Variants in USH1G observed in about 807,000 individuals in gnomAD.
The protein encoded by USH1G is pre-mRNA splicing regulator USH1G.
In USH1G, 27 loss-of-function variants were observed where a neutral mutation model predicts 31.9. The observed-to-expected ratio is 0.85, with a 90% CI of 0.62 to 1.17. The LOEUF is 1.17. Among genes scored for constraint, USH1G ranks in the 50% most tolerant of loss-of-function variants. The pLI, the probability that USH1G is intolerant of heterozygous loss-of-function variation, is 0.00. For missense variants in USH1G, 674 were observed against 638.9 expected, an observed-to-expected ratio of 1.05 and a Z score of -0.59; for synonymous variants, 266 against 283.2, an observed-to-expected ratio of 0.94 and a Z score of 0.61.
Position 74,921,600 on chromosome 17 carries a change from C to T in USH1G, c.165-929G>A, listed in dbSNP as rs1330735047. Among the ~76,000 whole-genome samples the T allele has an allele frequency of 6.6e-6, 1 of 152,154 alleles. No homozygotes were observed. Among genetic ancestry groups the T allele is most frequent in the Admixed American group, 6.5e-5 (1 of 15,278 alleles). ...TCACTCCCTTGTCTCAACAGCTCCC[C>T]ACACACCCCTTCCTGGGCCTCCCCT... On this transcript the variant is annotated intron_variant, in intron 1 of 2. Coordinates refer to ENST00000614341, the MANE Select transcript of USH1G (RefSeq NM_173477.5). The surrounding 1 kb of genome is among the most constrained non-coding windows in gnomAD (Gnocchi z 4.6).
At position 74,920,025 on chromosome 17, in the gene USH1G, G is replaced by C. The variant is rs1388810750; in HGVS notation, c.811C>G (p.Pro271Ala). The C allele has an allele frequency of 6.2e-7, 1 of 1,611,600 alleles. No homozygotes were observed. The highest frequency in any genetic ancestry group is 1.7e-5 in the Admixed American group (1 of 60,006). ...TCCGAGAGGAACATGTCCCGGAGCG[G>C]GGCTCGGCCCCACTCCTTGGGATTG... The part of the protein sequence containing the change: ...YANPKEWGRA[P>A]LRDMFLSDED... The change falls in exon 2 of 3, where the codon CCG becomes GCG. Residue 271 changes from proline to alanine, a missense_variant. Physicochemically the swap from Pro to Ala is conservative, Grantham distance 27. Coordinates refer to ENST00000614341, the MANE Select transcript of USH1G (RefSeq NM_173477.5). The surrounding 1 kb of genome is among the most constrained non-coding windows in gnomAD (Gnocchi z 5.2).
Position 74,919,411 on chromosome 17 carries a change from C to T in USH1G, c.1382+43G>A, listed in dbSNP as rs776814552. The T allele has an allele frequency of 6.4e-7, 1 of 1,568,824 alleles. No individual in the cohort carries two copies. Among genetic ancestry groups the T allele is most frequent in the Non-Finnish European group, 8.6e-7 (1 of 1,158,702 alleles). ...CTGTACCCCCTCCCCAGGGGCCTTC[C>T]AACTCCTGCTCCTCCATCCCCCCCG... On this transcript the variant is annotated intron_variant, in intron 2 of 2. Transcript: ENST00000614341. The surrounding 1 kb of genome is among the most constrained non-coding windows in gnomAD (Gnocchi z 4.5).
chr17:74,923,068 G>T lies in USH1G; in HGVS notation c.6C>A (p.Asn2Lys). 7 of 1,582,334 alleles carry T rather than the reference G, an allele frequency of 4.4e-6. No individual in the cohort carries two copies. Among genetic ancestry groups the T allele is most frequent in the Non-Finnish European group, 6.0e-6 (7 of 1,162,686 alleles). ...CCCGGGCTGCCCGGTGGTACTGGTC[G>T]TTCATGGCGCCCGAAGTGGACGGGG... Reference protein sequence around the residue: MNDQYHRAARDG... With the variant: MKDQYHRAARDG... Residue 2 changes from asparagine (N) to lysine (K), a missense_variant, in exon 1 of 3, where the codon AAC becomes AAA. By Grantham distance (94) the Asn-to-Lys change is moderately conservative. Transcript: ENST00000614341. This position sits in a 1 kb window ranked among gnomAD's most constrained non-coding sequence, Gnocchi z 5.3.
rs2038874520 is a variant in USH1G at position 74,916,910 on chromosome 17, T to TGCAC, written c.*1159_*1162dup. Reference sequence around the variant, plus strand: ...ACACATGCACACACACACACATGCATGCACACACACACATGCACACACATG... The same window carrying TGCAC: ...ACACATGCACACACACACACATGCATGCACGCACACACACACATGCACACACATG... On this transcript the variant is annotated 3_prime_UTR_variant, in exon 3 of 3. Coordinates refer to ENST00000614341, the MANE Select transcript of USH1G (RefSeq NM_173477.5). The TGCAC allele has an allele frequency of 6.6e-6, 1 of 152,320 alleles. No individual in the cohort carries two copies. Among genetic ancestry groups the TGCAC allele is most frequent in the Non-Finnish European group, 1.5e-5 (1 of 68,486 alleles). 9.4% of individuals were successfully genotyped at this position (152,320 alleles called of 1,614,324 possible).
intron 1 of USH1G, 31 bp downstream of exon 1, chr17:74,922,879 G>T: frequency 1.3e-6 from 2 of 1,536,466 alleles, no homozygotes; most frequent in East Asian, 2.5e-5. Context: ...GGTCTCAGGG[G>T]CCTCAAGGGC....
At position 74,919,446 on chromosome 17, in the gene USH1G, A is replaced by G; in HGVS notation, c.1382+8T>C. 1 of 1,586,086 alleles carries G rather than the reference A, an allele frequency of 6.3e-7. No homozygotes were observed. The highest frequency in any genetic ancestry group is 8.6e-7 in the Non-Finnish European group (1 of 1,166,286). On this transcript the variant is annotated splice_region_variant and intron_variant, in intron 2 of 2. Transcript: ENST00000614341. The surrounding 1 kb of genome is among the most constrained non-coding windows in gnomAD (Gnocchi z 4.5). ...TCCTCCATCCCCCCCGCCAGGCTGG[A>G]CACTCACAGCTCTGTGTCCTCCAGG...
chr17:74,920,972 T>C lies in USH1G; in HGVS notation c.165-301A>G, dbSNP rs1343743056. Among the ~76,000 whole-genome samples, 1 of 152,054 alleles carries C rather than the reference T, an allele frequency of 6.6e-6. No homozygotes were observed. ...GCTGGGAATCTCAGGGGATGAATAT[T>C]TGATGCCCTGAGAGAAGGGAGTAAA... On this transcript the variant is annotated intron_variant, in intron 1 of 2. Coordinates refer to ENST00000614341, the MANE Select transcript of USH1G (RefSeq NM_173477.5). The surrounding 1 kb of genome is among the most constrained non-coding windows in gnomAD (Gnocchi z 5.2).
At position 74,919,579 on chromosome 17, in the gene USH1G, C is replaced by A. The variant is rs1430225778; in HGVS notation, c.1257G>T (p.Met419Ile). Residue 419 changes from methionine to isoleucine, a missense_variant, in exon 2 of 3, where the codon ATG becomes ATT. Physicochemically the swap from Met to Ile is conservative, Grantham distance 10. Coordinates refer to ENST00000614341, the MANE Select transcript of USH1G (RefSeq NM_173477.5). The surrounding 1 kb of genome is among the most constrained non-coding windows in gnomAD (Gnocchi z 4.5). The part of the protein sequence containing the change: ...RQEKIDLEAL[M>I]LCSDLDLRSI... Reference sequence around the variant, plus strand: ...TGCGGAGGTCGAGGTCAGAGCACAGCATCAAAGCCTCGAGGTCGATCTTCT... The same window carrying A: ...TGCGGAGGTCGAGGTCAGAGCACAGAATCAAAGCCTCGAGGTCGATCTTCT... 6.2e-7 allele frequency: 1 copy of A among 1,612,752 alleles called. No homozygotes were observed. Among genetic ancestry groups the A allele is most frequent in the Non-Finnish European group, 8.5e-7 (1 of 1,180,030 alleles).
Position 74,923,013 on chromosome 17 carries a change from TG to T in USH1G, c.60del (p.Thr21ProfsTer5). The T allele has an allele frequency of 6.3e-7, 1 of 1,576,624 alleles. No individual in the cohort carries two copies. Among genetic ancestry groups the T allele is most frequent in the South Asian group, 1.2e-5 (1 of 86,312 alleles). ...TCGGGGGCATTCAGCTCCTTTCGGG[TG>T]GCCTCCTTGAGGAGCTCCAGGTAGC... is the stretch of plus-strand genomic sequence containing the variant. ...RDGYLELLKE[A>X]TRKELNAPDE... On this transcript the variant is annotated frameshift_variant, in exon 1 of 3. Coordinates refer to ENST00000614341, the MANE Select transcript of USH1G (RefSeq NM_173477.5). LOFTEE classifies it high-confidence loss of function. This position sits in a 1 kb window ranked among gnomAD's most constrained non-coding sequence, Gnocchi z 5.3.
Position 74,917,757 on chromosome 17 carries a change from G to C in USH1G, c.*316C>G, listed in dbSNP as rs2038885384. 1 of 460,426 alleles carries C rather than the reference G, an allele frequency of 2.2e-6. No individual in the cohort carries two copies. The highest frequency in any genetic ancestry group is 3.3e-5 in the Admixed American group (1 of 30,024). 28.5% of individuals were successfully genotyped at this position (460,426 alleles called of 1,614,324 possible). Reference sequence around the variant, plus strand: ...CATCCACCTCCCACACTCTCATCCAGTTCCGATGCCCCTGCCCTCCCTCTG... The same window carrying C: ...CATCCACCTCCCACACTCTCATCCACTTCCGATGCCCCTGCCCTCCCTCTG... On this transcript the variant is annotated 3_prime_UTR_variant, in exon 3 of 3. Coordinates refer to ENST00000614341, the MANE Select transcript of USH1G (RefSeq NM_173477.5).
rs2038896851 is a variant in USH1G, at chr17:74,918,922, G to A, written c.1382+532C>T. On this transcript the variant is annotated intron_variant, in intron 2 of 2. Coordinates refer to ENST00000614341, the MANE Select transcript of USH1G (RefSeq NM_173477.5). This position sits in a 1 kb window ranked among gnomAD's most constrained non-coding sequence, Gnocchi z 4.1. ...TGACCCCAGGCTCTAAAGCCATGCAGACCAGGGATCAAGCCTAGCTCCATG... is the reference window on the plus strand; with the variant it reads ...TGACCCCAGGCTCTAAAGCCATGCAAACCAGGGATCAAGCCTAGCTCCATG... Among the ~76,000 whole-genome samples, 1 of 152,146 alleles carries A rather than the reference G, an allele frequency of 6.6e-6. No homozygotes were observed. Among genetic ancestry groups the A allele is most frequent in the Admixed American group, 6.5e-5 (1 of 15,278 alleles).
rs1434036722 is a variant in USH1G at position 74,923,191 on chromosome 17, C to T, written c.-118G>A. 14 of 900,330 alleles carry T rather than the reference C, an allele frequency of 1.6e-5. No individual in the cohort carries two copies. In the East Asian group the frequency reaches 3.3e-4, roughly 21 times the overall value. 55.8% of individuals were successfully genotyped at this position (900,330 alleles called of 1,614,324 possible). On this transcript the variant is annotated 5_prime_UTR_variant, in exon 1 of 3. Transcript: ENST00000614341. This position sits in a 1 kb window ranked among gnomAD's most constrained non-coding sequence, Gnocchi z 5.3. ...GGACGGGGCCGGGCAGGGGCCGGGG[C>T]CGCCAGCCCCCGCTGCCGCAGACGG...
chr17:74,916,838 G>A lies in USH1G; in HGVS notation c.*1235C>T, dbSNP rs2038872683. ...CAACAGCCCAGTCCCTACCAGACCT[G>A]GAGGGAAACCTACCAAACACCACCC... On this transcript the variant is annotated 3_prime_UTR_variant, in exon 3 of 3. Coordinates refer to ENST00000614341, the MANE Select transcript of USH1G (RefSeq NM_173477.5). The A allele has an allele frequency of 6.6e-6, 1 of 152,560 alleles. No individual in the cohort carries two copies. Among genetic ancestry groups the A allele is most frequent in the African/African-American group, 2.4e-5 (1 of 41,442 alleles). 9.5% of individuals were successfully genotyped at this position (152,560 alleles called of 1,614,324 possible). A position where few individuals can be genotyped will look rare whatever the true frequency, so the allele number is the denominator to read the frequency against.
Position 74,920,778 on chromosome 17 carries a change from A to G in USH1G, c.165-107T>C. 6.7e-7 allele frequency: 1 copy of G among 1,495,068 alleles called. No homozygotes were observed. Among genetic ancestry groups the G allele is most frequent in the Non-Finnish European group, 9.0e-7 (1 of 1,105,960 alleles). The allele number at this position is 1,495,068 out of a possible 1,614,324, so 92.6% of individuals were successfully genotyped here. A position where few individuals can be genotyped will look rare whatever the true frequency, so the allele number is the denominator to read the frequency against. ...CTTCCCCACTGTCACAGCAACCCCCAAAGGGACCGTGGGCCTGAGATCTCT... is the reference window on the plus strand; with the variant it reads ...CTTCCCCACTGTCACAGCAACCCCCGAAGGGACCGTGGGCCTGAGATCTCT... On this transcript the variant is annotated intron_variant, in intron 1 of 2. Coordinates refer to ENST00000614341, the MANE Select transcript of USH1G (RefSeq NM_173477.5). The surrounding 1 kb of genome is among the most constrained non-coding windows in gnomAD (Gnocchi z 5.2).
Position 74,920,314 on chromosome 17 carries a change from G to A in USH1G, c.522C>T (p.Asp174=), listed in dbSNP as rs886043212. ...ACGTGAGGCTGGAGAAGCTGAGGGTGTCGGAACGCTCGGCCAGCTCGCGCC... is the reference window on the plus strand; with the variant it reads ...ACGTGAGGCTGGAGAAGCTGAGGGTATCGGAACGCTCGGCCAGCTCGCGCC... ...RYRRELAERS[D]TLSFSSLTSS... The change falls in exon 2 of 3, where the codon GAC becomes GAT. Residue 174 remains aspartate, a synonymous_variant. Coordinates refer to ENST00000614341, the MANE Select transcript of USH1G (RefSeq NM_173477.5). This position sits in a 1 kb window ranked among gnomAD's most constrained non-coding sequence, Gnocchi z 5.2. 6.2e-7 allele frequency: 1 copy of A among 1,607,750 alleles called. No homozygotes were observed. The highest frequency in any genetic ancestry group is 8.5e-7 in the Non-Finnish European group (1 of 1,178,886).
In USH1G at chr17:74,920,800, C is replaced by G. The variant is rs41282069; in HGVS notation, c.165-129G>C. 61 of 1,373,408 alleles carry G rather than the reference C, an allele frequency of 4.4e-5. 2 individuals are homozygous for G. Among genetic ancestry groups the G allele is most frequent in the South Asian group, 4.1e-4 (30 of 72,978 alleles). The allele number at this position is 1,373,408 out of a possible 1,614,324, so 85.1% of individuals were successfully genotyped here. ...CCCAAAGGGACCGTGGGCCTGAGAT[C>G]TCTCCCACTCCAGGAGACCTGCAGG... On this transcript the variant is annotated intron_variant, in intron 1 of 2. Coordinates refer to ENST00000614341, the MANE Select transcript of USH1G (RefSeq NM_173477.5). The surrounding 1 kb of genome is among the most constrained non-coding windows in gnomAD (Gnocchi z 5.2).
At position 74,920,570 on chromosome 17, in the gene USH1G, G is replaced by T. The variant is rs774827536; in HGVS notation, c.266C>A (p.Ala89Asp). ...GTCGTTGTCTAGGCACCAGATGTTG[G>T]CTCCGAAGGACACCAGGAAGGACAG... The part of the protein sequence containing the change: ...HCLSFLVSFG[A>D]NIWCLDNDYH... Residue 89 changes from alanine (A) to aspartate (D), a missense_variant, in exon 2 of 3, where the codon GCC becomes GAC. Transcript: ENST00000614341. This position sits in a 1 kb window ranked among gnomAD's most constrained non-coding sequence, Gnocchi z 5.2. 4.3e-6 allele frequency: 7 copies of T among 1,613,822 alleles called. No individual in the cohort carries two copies. In the South Asian group the frequency reaches 7.7e-5, roughly 18 times the overall value.
chr17:74,919,418 T>A lies in USH1G; in HGVS notation c.1382+36A>T. ...CCCTCCCCAGGGGCCTTCCAACTCC[T>A]GCTCCTCCATCCCCCCCGCCAGGCT... On this transcript the variant is annotated intron_variant, in intron 2 of 2. Transcript: ENST00000614341. The surrounding 1 kb of genome is among the most constrained non-coding windows in gnomAD (Gnocchi z 4.5). 1 of 1,523,364 alleles carries A rather than the reference T, an allele frequency of 6.6e-7. No homozygotes were observed. The highest frequency in any genetic ancestry group is 8.9e-7 in the Non-Finnish European group (1 of 1,129,282). The allele number at this position is 1,523,364 out of a possible 1,614,324, so 94.4% of individuals were successfully genotyped here.
Position 74,919,699 on chromosome 17 carries a change from T to G in USH1G, c.1137A>C (p.Leu379Phe), listed in dbSNP as rs1292979261. The G allele has an allele frequency of 3.7e-6, 6 of 1,612,834 alleles. No individual in the cohort carries two copies. Among genetic ancestry groups the G allele is most frequent in the Non-Finnish European group, 5.1e-6 (6 of 1,180,004 alleles). Residue 379 changes from leucine to phenylalanine, a missense_variant, in exon 2 of 3, where the codon TTA becomes TTC. Coordinates refer to ENST00000614341, the MANE Select transcript of USH1G (RefSeq NM_173477.5). The surrounding 1 kb of genome is among the most constrained non-coding windows in gnomAD (Gnocchi z 4.5). ...CGGGCTCCAGGTCCTCGTCCAAGCC[T>G]AAATCGAGCTCATCCCAGGGCAGCT... The part of the protein sequence containing the change: ...GEELPWDELD[L>F]GLDEDLEPET...
Sources: allele counts gnomAD v4.1 joint callset (sites outside exome capture counted in the v4.1 genomes callset), GRCh38; gene constraint gnomAD v4.1.1; non-coding constraint Gnocchi (gnomAD v3.1); transcripts MANE v1.5; gene names NCBI Gene and HGNC (gene_info 2026-07-23, HGNC 2026-07-21).